NFXL1: variants seen among roughly 807,000 people sequenced by gnomAD.
NFXL1 encodes the protein NF-X1-type zinc finger protein NFXL1.
A neutral mutation model predicts 123.3 loss-of-function variants in NFXL1; 66 were observed. That is an observed-to-expected ratio of 0.54 (90% CI 0.44 to 0.66). NFXL1 has a LOEUF of 0.66. NFXL1 is among the 30% of genes least tolerant of loss of function. The pLI, the probability that NFXL1 is intolerant of heterozygous loss-of-function variation, is 0.00. For synonymous variants in NFXL1, 346 were observed against 360.8 expected, an observed-to-expected ratio of 0.96 and a Z score of 0.46; for missense variants, 944 against 1,125.6, an observed-to-expected ratio of 0.84 and a Z score of 2.31.
chr4:47,852,690 A>G (rs1734191062), intron 20 of NFXL1, among the ~76,000 whole-genome samples: 1 of 152,256 alleles, frequency 6.6e-6, no homozygotes, highest in Admixed American at 6.5e-5. Context: ...CTACGACAGA[A>G]TAAAACGATG....
rs1734089834 is a variant in NFXL1, at chr4:47,851,045, A to G, written c.2562+50T>C. ...GGAATATACCCCGTGTTTGCACAAAATCTAGCAATGATGCTAAGAGACATA... is the reference window on the plus strand; with the variant it reads ...GGAATATACCCCGTGTTTGCACAAAGTCTAGCAATGATGCTAAGAGACATA... On this transcript the variant is annotated intron_variant, in intron 22 of 22. Coordinates refer to ENST00000507489, the MANE Select transcript of NFXL1 (RefSeq NM_001278624.2). The G allele has an allele frequency of 6.5e-6, 9 of 1,375,460 alleles. No individual in the cohort carries two copies. The East Asian group carries it at 1.8e-4, about 28-fold the overall frequency. The allele number at this position is 1,375,460 out of a possible 1,614,324, so 85.2% of individuals were successfully genotyped here.
Position 47,899,138 on chromosome 4 carries a change from C to CAA in NFXL1, c.827-20_827-19dup, listed in dbSNP as rs3057881. ...GCAGGGACCTAGAATTCAGTAAAAG[C>CAA]AAAAAAAAAAAAAAAAAAAAAATCT... is the stretch of plus-strand genomic sequence containing the variant. On this transcript the variant is annotated intron_variant, in intron 6 of 22. Coordinates refer to ENST00000507489, the MANE Select transcript of NFXL1 (RefSeq NM_001278624.2). 6.3e-4 allele frequency: 768 copies of CAA among 1,211,494 alleles called. 1 individual carries two copies. Among genetic ancestry groups the CAA allele is most frequent in the African/African-American group, 5.5e-3 (295 of 53,346 alleles). 75.0% of individuals were successfully genotyped at this position (1,211,494 alleles called of 1,614,324 possible). A position where few individuals can be genotyped will look rare whatever the true frequency, so the allele number is the denominator to read the frequency against.
chr4:47,871,780 T>A (rs904001795), intron 18 of NFXL1, among the ~76,000 whole-genome samples: 2 of 152,252 alleles, frequency 1.3e-5, no homozygotes, highest in Non-Finnish European at 2.9e-5. Flanking sequence ...AAGAATAAAA[T>A]TTGTCTTCTA....
chr4:47,885,102 G>C (rs1037650903), intron 14 of NFXL1, among the ~76,000 whole-genome samples: 4 of 149,234 alleles, frequency 2.7e-5, no homozygotes, highest in African/African-American at 9.9e-5. Context: ...TCCAGCCTGG[G>C]CAACAGAGTG....
At chr4:47,888,735 ACAAATAAGT>A (rs1286423999) in intron 12 of NFXL1, among the ~76,000 whole-genome samples, 2 of 152,182 alleles carry the variant, frequency 1.3e-5, no homozygotes, top group African/African-American at 4.8e-5. Flanking sequence ...AGTTTCTTCA[ACAAATAAGT>A]CATAAGGGGA....
Position 47,899,519 on chromosome 4 carries a change from G to T in NFXL1, c.677C>A (p.Ser226Tyr). ...GCAATAGTACCTACTAGGTGTTTCA[G>T]ATCGTTTGTATTCAAACCTACATTT... ...CPKCRFEYKRSETPSRYYCYC... is the reference protein window; with the variant it reads ...CPKCRFEYKRYETPSRYYCYC... Residue 226 changes from serine to tyrosine, a missense_variant, in exon 6 of 23, where the codon TCT becomes TAT. Physicochemically the swap from Ser to Tyr is moderately radical, Grantham distance 144. This residue lies in a region of NFXL1 where 303 missense variants were observed against 292.1 expected (regional missense o/e 1.04). Transcript: ENST00000507489. 1.9e-6 allele frequency: 3 copies of T among 1,612,384 alleles called. No homozygotes were observed. The highest frequency in any genetic ancestry group is 2.5e-6 in the Non-Finnish European group (3 of 1,178,722).
chr4:47,894,793 T>C (rs893009144), intron 10 of NFXL1, among the ~76,000 whole-genome samples: 3 of 152,208 alleles, frequency 2.0e-5, no homozygotes, highest in Non-Finnish European at 4.4e-5. Context: ...TTAATGTTGA[T>C]ATTTTGACCT....
intron 1 of NFXL1, 71 bp downstream of exon 1, chr4:47,914,294 T>G: frequency 9.6e-7 from 1 of 1,038,402 alleles, no homozygotes. Context: ...AAACCCGGTG[T>G]GAGGGGCCGA....
At chr4:47,866,033 A>T (rs1410510692) in intron 18 of NFXL1, among the ~76,000 whole-genome samples, 1 of 152,156 alleles carries the variant, frequency 6.6e-6, no homozygotes, top group Non-Finnish European at 1.5e-5. Context: ...AAAATAAAAA[A>T]AAATTTAAAA....
intron 19 of NFXL1, among the ~76,000 whole-genome samples, chr4:47,858,768 C>A (rs1039686022): frequency 1.3e-5 from 2 of 152,106 alleles, no homozygotes; most frequent in African/African-American, 4.8e-5. Context: ...AGACAGGGAC[C>A]TTGGTAAACT....
At chr4:47,855,206 G>A (rs1734339996) in intron 19 of NFXL1, 43 bp from the exon 20 acceptor site, 1 of 1,151,080 alleles carries the variant, frequency 8.7e-7, no homozygotes, top group Admixed American at 1.9e-5. Flanking sequence ...CTTACATCTT[G>A]ATCATACTCT....
chr4:47,868,910 C>T (rs1284862537), intron 18 of NFXL1, among the ~76,000 whole-genome samples: 1 of 152,138 alleles, frequency 6.6e-6, no homozygotes, highest in Non-Finnish European at 1.5e-5. Flanking sequence ...ACTACAGCAG[C>T]TGCAAAGAGA....
In NFXL1 at chr4:47,899,132, TAAAAGC is replaced by T; in HGVS notation, c.827-18_827-13del. ...AGGAGGGCAGGGACCTAGAATTCAG[TAAAAGC>T]AAAAAAAAAAAAAAAAAAAAAATCT... On this transcript the variant is annotated splice_polypyrimidine_tract_variant and intron_variant, in intron 6 of 22. Transcript: ENST00000507489. The T allele has an allele frequency of 5.7e-6, 7 of 1,226,948 alleles. No homozygotes were observed. Among genetic ancestry groups the T allele is most frequent in the Admixed American group, 3.9e-5 (1 of 25,890 alleles). The allele number at this position is 1,226,948 out of a possible 1,614,324, so 76.0% of individuals were successfully genotyped here.
chr4:47,908,248 T>A (rs930530657), intron 3 of NFXL1, among the ~76,000 whole-genome samples: 1 of 152,068 alleles, frequency 6.6e-6, no homozygotes, highest in African/African-American at 2.4e-5. Flanking sequence ...AGGAAAACAC[T>A]GTCTCTACAA....
Position 47,875,155 on chromosome 4 carries a change from TACAGTG to T in NFXL1, c.2212_2217del (p.His738_Cys739del). ...CATTCCACATACAGGCTTGTGATCT[TACAGTG>T]ACATTTTATTCTAAGCATCTGAACA... On this transcript the variant is annotated inframe_deletion, in exon 18 of 23. Transcript: ENST00000507489. The T allele has an allele frequency of 6.2e-7, 1 of 1,612,196 alleles. No individual in the cohort carries two copies. The highest frequency in any genetic ancestry group is 1.3e-5 in the African/African-American group (1 of 74,998).
chr4:47,850,183 C>A (rs1448870991), intron 22 of NFXL1, among the ~76,000 whole-genome samples: 1 of 152,046 alleles, frequency 6.6e-6, no homozygotes, highest in Non-Finnish European at 1.5e-5. Flanking sequence ...AGGATTCCAG[C>A]CAACTTATGT....
Position 47,902,353 on chromosome 4 carries a change from A to T in NFXL1, c.647+840T>A, listed in dbSNP as rs534912967. Among the ~76,000 whole-genome samples, 5 of 152,326 alleles carry T rather than the reference A, an allele frequency of 3.3e-5. No homozygotes were observed. The South Asian group carries it at 1.0e-3, about 32-fold the overall frequency. ...ATTTCTTATTGTCTTTACTTAGCAG[A>T]GATATAAAATTCTACTCTCCAACTC... On this transcript the variant is annotated intron_variant, in intron 5 of 22. Transcript: ENST00000507489.
At chr4:47,901,053 G>C (rs1425453334) in intron 5 of NFXL1, among the ~76,000 whole-genome samples, 1 of 152,162 alleles carries the variant, frequency 6.6e-6, no homozygotes, top group Non-Finnish European at 1.5e-5. Context: ...CATCAGCATT[G>C]AAACTGAACT....
At chr4:47,913,895 G>C in intron 2 of NFXL1, 74 bp downstream of exon 2, 1 of 981,362 alleles carries the variant, frequency 1.0e-6, no homozygotes, top group Admixed American at 2.8e-5. Flanking sequence ...AAGAAGGCGA[G>C]GGCGGAGGCG....
Sources: gnomAD v4.1 joint callset for allele counts (sites outside exome capture counted in the v4.1 genomes callset) on GRCh38, gnomAD v4.1.1 for gene constraint, gnomAD v4.1.1 regional missense constraint, MANE v1.5 for transcripts, NCBI Gene and HGNC (gene_info 2026-07-23, HGNC 2026-07-21) for gene names.